The following TOGARAM1 variants were observed in gnomAD, a reference collection of about 807,000 sequenced individuals.
TOGARAM1 encodes the protein TOG array regulator of axonemal microtubules protein 1.
A neutral mutation model predicts 166.6 loss-of-function variants in TOGARAM1; 100 were observed. The observed-to-expected ratio is 0.60, with a 90% confidence interval of 0.51 to 0.71. TOGARAM1 has a LOEUF of 0.71. TOGARAM1 is among the 30% of genes least tolerant of loss of function. The pLI is 0.00. For synonymous variants in TOGARAM1, 758 were observed against 763.8 expected (o/e 0.99, Z 0.13); for missense variants, 2,029 against 2,102.7 (o/e 0.96, Z 0.69).
chr14:44,982,505 A>G (rs1392197491), intron 1 of TOGARAM1, among the ~76,000 whole-genome samples: 3 of 152,220 alleles, frequency 2.0e-5, no homozygotes, highest in Non-Finnish European at 4.4e-5. Context: ...CCTAGACTAA[A>G]AAGTAAGGAG....
chr14:45,005,115 A>C (rs576711075), intron 4 of TOGARAM1, among the ~76,000 whole-genome samples: 1 of 151,516 alleles, frequency 6.6e-6, no homozygotes, highest in African/African-American at 2.4e-5. Flanking sequence ...GTGTTTCTCC[A>C]TGTTGGTGAG....
chr14:44,967,052 G>T (rs1249929136), intron 1 of TOGARAM1, among the ~76,000 whole-genome samples: 1 of 151,876 alleles, frequency 6.6e-6, no homozygotes, highest in African/African-American at 2.4e-5. Context: ...ATTTTTTTCA[G>T]AAGTCCTAGT....
intron 14 of TOGARAM1, among the ~76,000 whole-genome samples, chr14:45,051,553 CTT>C (rs1015760925): frequency 9.6e-4 from 86 of 90,038 alleles, no homozygotes; most frequent in African/African-American, 4.0e-3. Context: ...CCAACAGATG[CTT>C]TTTTTTTTTT....
At chr14:44,984,032 G>A (rs1886664025) in intron 1 of TOGARAM1, among the ~76,000 whole-genome samples, 1 of 152,024 alleles carries the variant, frequency 6.6e-6, no homozygotes, top group African/African-American at 2.4e-5. Flanking sequence ...AAAATTTGGA[G>A]AACAATAAGA....
At chr14:45,048,119 T>C (rs1239845289) in intron 14 of TOGARAM1, among the ~76,000 whole-genome samples, 2 of 148,366 alleles carry the variant, frequency 1.3e-5, no homozygotes, top group Non-Finnish European at 3.0e-5. Flanking sequence ...TTTGGGAGGC[T>C]GAGGCGGGCG....
At chr14:45,013,318 C>T (rs939182187) in intron 7 of TOGARAM1, among the ~76,000 whole-genome samples, 2 of 152,164 alleles carry the variant, frequency 1.3e-5, no homozygotes, top group Admixed American at 6.5e-5. Context: ...AATGATACTA[C>T]AATTGCTTTA....
chr14:45,011,299 A>G (rs1250172450), intron 6 of TOGARAM1, among the ~76,000 whole-genome samples: 2 of 152,018 alleles, frequency 1.3e-5, no homozygotes, highest in East Asian at 3.9e-4. Context: ...ATTAAGAATG[A>G]TTTGACTTGT....
At chr14:44,997,305 C>G (rs1887461925) in intron 2 of TOGARAM1, 1 of 145,998 alleles carries the variant, frequency 6.8e-6, no homozygotes, top group African/African-American at 2.6e-5. Flanking sequence ...ACTCGAGAGG[C>G]TGAGGCAGGA....
At chr14:45,020,908 A>G (rs1397133424) in intron 7 of TOGARAM1, among the ~76,000 whole-genome samples, 3 of 152,182 alleles carry the variant, frequency 2.0e-5, no homozygotes, top group African/African-American at 7.2e-5. Flanking sequence ...GGATTGAAAT[A>G]TGTGGCCTGT....
intron 1 of TOGARAM1, among the ~76,000 whole-genome samples, chr14:44,984,405 AAAATTTT>A (rs1282525851): frequency 6.6e-6 from 1 of 152,024 alleles, no homozygotes; most frequent in Non-Finnish European, 1.5e-5. Context: ...TAAAATTTCA[AAAATTTT>A]AAATAAATTT....
intron 1 of TOGARAM1, among the ~76,000 whole-genome samples, chr14:44,991,405 C>A (rs768845748): frequency 1.3e-5 from 2 of 152,122 alleles, no homozygotes; most frequent in Non-Finnish European, 2.9e-5. Context: ...CCTTATCAAT[C>A]TGAGAAAAGC....
intron 11 of TOGARAM1, among the ~76,000 whole-genome samples, chr14:45,042,759 T>C (rs1028728676): frequency 2.6e-5 from 4 of 152,178 alleles, no homozygotes; most frequent in African/African-American, 9.7e-5. Flanking sequence ...AAAATACTAC[T>C]GATCACCTGA....
chr14:44,988,220 A>G (rs914453113), intron 1 of TOGARAM1, among the ~76,000 whole-genome samples: 6 of 152,004 alleles, frequency 3.9e-5, no homozygotes, highest in East Asian at 1.9e-4. Flanking sequence ...AAACCTGCAC[A>G]TTGTGCACAT....
chr14:44,971,168 C>T (rs1161746112), intron 1 of TOGARAM1, among the ~76,000 whole-genome samples: 4 of 152,042 alleles, frequency 2.6e-5, no homozygotes, highest in Non-Finnish European at 4.4e-5. Context: ...GTGGAATCCA[C>T]CAGTAAACCC....
chr14:44,993,828 T>A (rs1887269085), intron 1 of TOGARAM1, among the ~76,000 whole-genome samples: 1 of 152,186 alleles, frequency 6.6e-6, no homozygotes, highest in Admixed American at 6.5e-5. Context: ...CACCAGTTGT[T>A]GTATGTATCT....
chr14:45,022,478 G>A (rs1366697563), intron 7 of TOGARAM1, among the ~76,000 whole-genome samples: 2 of 151,262 alleles, frequency 1.3e-5, no homozygotes, highest in Non-Finnish European at 2.9e-5. Context: ...TGATAGTTTT[G>A]AAAAGGCCTG....
At chr14:44,976,658 A>T (rs1886208666) in intron 1 of TOGARAM1, among the ~76,000 whole-genome samples, 1 of 152,072 alleles carries the variant, frequency 6.6e-6, no homozygotes. Context: ...TTAAAATAAT[A>T]CCTGAAATGT....
intron 7 of TOGARAM1, among the ~76,000 whole-genome samples, chr14:45,019,301 T>G (rs1880346022): frequency 1.3e-5 from 2 of 152,208 alleles, no homozygotes; most frequent in South Asian, 4.1e-4. Context: ...TAATTACAAA[T>G]CTTTCTGGTA....
intron 1 of TOGARAM1, among the ~76,000 whole-genome samples, chr14:44,986,360 G>C (rs1293474169): frequency 6.6e-6 from 1 of 152,150 alleles, no homozygotes; most frequent in Non-Finnish European, 1.5e-5. Context: ...CATAATCATA[G>C]CTCACTACAA....
Sources: allele counts gnomAD v4.1 joint callset (sites outside exome capture counted in the v4.1 genomes callset), GRCh38; gene constraint gnomAD v4.1.1; transcripts MANE v1.5; gene names NCBI Gene and HGNC (gene_info 2026-07-23, HGNC 2026-07-21).